Variants in PRIMA1 observed in about 807,000 individuals in gnomAD.
PRIMA1 encodes the protein proline rich membrane anchor 1, also known as proline-rich membrane anchor 1.
In PRIMA1, 7 loss-of-function variants were observed where a neutral mutation model predicts 17.5. The observed-to-expected ratio is 0.40, with a 90% CI of 0.23 to 0.75. PRIMA1 has a LOEUF of 0.75. Among genes scored for constraint, PRIMA1 ranks in the 30% least tolerant of loss-of-function variants. PRIMA1 has a pLI of 0.37. For synonymous variants in PRIMA1, 97 were observed against 77.9 expected (o/e 1.25, Z -1.29); for missense variants, 200 against 201.8 (o/e 0.99, Z 0.05).
intron 3 of PRIMA1, among the ~76,000 whole-genome samples, chr14:93,747,593 T>C (rs933479802): frequency 1.4e-5 from 2 of 145,012 alleles, no homozygotes; most frequent in African/African-American, 5.1e-5. Context: ...CATGGGAGTA[T>C]TGTGTATGAG....
chr14:93,747,909 TG>T (rs1262790658), intron 3 of PRIMA1, among the ~76,000 whole-genome samples: 2 of 43,236 alleles, frequency 4.6e-5, no homozygotes, highest in African/African-American at 8.0e-5. Flanking sequence ...TGTGTAAGAG[TG>T]GGGGACTGTG....
At chr14:93,784,765 C>T (rs1028100132) in intron 2 of PRIMA1, among the ~76,000 whole-genome samples, 6 of 152,150 alleles carry the variant, frequency 3.9e-5, no homozygotes, top group African/African-American at 1.4e-4. Flanking sequence ...ATGACTCTTG[C>T]CCCGGGTCCA....
chr14:93,750,137 G>A (rs1302035789), intron 3 of PRIMA1, among the ~76,000 whole-genome samples: 4 of 152,016 alleles, frequency 2.6e-5, no homozygotes, highest in African/African-American at 4.8e-5. Context: ...GCAGTGTGCC[G>A]AGATCGTGCC....
intron 4 of PRIMA1, among the ~76,000 whole-genome samples, chr14:93,734,876 C>A (rs1473928957): frequency 6.6e-6 from 1 of 152,300 alleles, no homozygotes; most frequent in African/African-American, 2.4e-5. Flanking sequence ...TGGAAGAGGA[C>A]AGACAGGAGG....
Position 93,787,609 on chromosome 14 carries a change from C to G in PRIMA1, c.93+17G>C, listed in dbSNP as rs1290446210. 1 of 1,539,608 alleles carries G rather than the reference C, an allele frequency of 6.5e-7. No individual in the cohort carries two copies. Among genetic ancestry groups the G allele is most frequent in the Non-Finnish European group, 8.7e-7 (1 of 1,146,774 alleles). ...CCAGGAGGCCCTCCCAGCCAGTGCGCAGCCGGCGCGTCTCACCTGCACGAA... is the reference window on the plus strand; with the variant it reads ...CCAGGAGGCCCTCCCAGCCAGTGCGGAGCCGGCGCGTCTCACCTGCACGAA... On this transcript the variant is annotated intron_variant, in intron 2 of 4. Coordinates refer to ENST00000393140, the MANE Select transcript of PRIMA1 (RefSeq NM_178013.4).
chr14:93,786,165 C>T lies in PRIMA1; in HGVS notation c.93+1461G>A, dbSNP rs1885518760. ...AATGAATCTAAAAACGAAGTGAACT[C>T]AATATCTGAGGTTCAGCTAAAAGTT... On this transcript the variant is annotated intron_variant, in intron 2 of 4. Transcript: ENST00000393140. 2.6e-5 allele frequency among the ~76,000 whole-genome samples: 4 copies of T among 152,166 alleles called. No homozygotes were observed. The South Asian group carries it at 6.2e-4, about 24-fold the overall frequency.
intron 4 of PRIMA1, among the ~76,000 whole-genome samples, chr14:93,724,022 T>A (rs1431555601): frequency 6.6e-6 from 1 of 152,202 alleles, no homozygotes; most frequent in Non-Finnish European, 1.5e-5. Context: ...GTAGCTGGGA[T>A]TACAGGTGTA....
chr14:93,748,424 G>C (rs1348476763), intron 3 of PRIMA1, among the ~76,000 whole-genome samples: 1 of 152,196 alleles, frequency 6.6e-6, no homozygotes, highest in Non-Finnish European at 1.5e-5. Flanking sequence ...GCAACGCAGT[G>C]TGTGGAAAGG....
At position 93,737,520 on chromosome 14, in the gene PRIMA1, G is replaced by T. The variant is rs2076157925; in HGVS notation, c.230-150C>A. ...GTGACACCAACAGAGGCGTGGGGAG[G>T]TCACTGGTGGGACCATTATGGGTGA... is the stretch of plus-strand genomic sequence containing the variant. On this transcript the variant is annotated intron_variant, in intron 3 of 4. Transcript: ENST00000393140. 13 of 867,772 alleles carry T rather than the reference G, an allele frequency of 1.5e-5. No homozygotes were observed. The South Asian group carries it at 1.9e-4, about 13-fold the overall frequency. 53.8% of individuals were successfully genotyped at this position (867,772 alleles called of 1,614,324 possible). A position where few individuals can be genotyped will look rare whatever the true frequency, so the allele number is the denominator to read the frequency against.
chr14:93,761,919 C>T (rs573239467), intron 3 of PRIMA1, among the ~76,000 whole-genome samples: 175 of 152,340 alleles, frequency 1.1e-3, no homozygotes, highest in African/African-American at 4.0e-3. Flanking sequence ...TCTTGCCTCC[C>T]AGCATATTCC....
chr14:93,756,482 C>T (rs1273191926), intron 3 of PRIMA1, among the ~76,000 whole-genome samples: 5 of 152,168 alleles, frequency 3.3e-5, no homozygotes, highest in East Asian at 1.9e-4. Context: ...CTTGCCCGGG[C>T]GTCTTACCCG....
In PRIMA1 at chr14:93,721,351, C is replaced by A. The variant is rs1476255102; in HGVS notation, c.*93G>T. The stretch of plus-strand genomic sequence containing the variant: ...GCCTGTGAGGCAATGAAGTCCTGGA[C>A]AAGCTCAGGGTTAGCTCATGTCCAC... On this transcript the variant is annotated 3_prime_UTR_variant, in exon 5 of 5. Coordinates refer to ENST00000393140, the MANE Select transcript of PRIMA1 (RefSeq NM_178013.4). 2 of 771,088 alleles carry A rather than the reference C, an allele frequency of 2.6e-6. No individual in the cohort carries two copies. Among genetic ancestry groups the A allele is most frequent in the Non-Finnish European group, 4.4e-6 (2 of 455,830 alleles). 47.8% of individuals were successfully genotyped at this position (771,088 alleles called of 1,614,324 possible). A position where few individuals can be genotyped will look rare whatever the true frequency, so the allele number is the denominator to read the frequency against.
chr14:93,771,505 G>C (rs1381135331), intron 3 of PRIMA1, among the ~76,000 whole-genome samples: 1 of 152,148 alleles, frequency 6.6e-6, no homozygotes, highest in Non-Finnish European at 1.5e-5. Context: ...ACATGGGAGA[G>C]GAAGCCTTCA....
chr14:93,729,720 G>C (rs1380420873), intron 4 of PRIMA1, among the ~76,000 whole-genome samples: 1 of 152,230 alleles, frequency 6.6e-6, no homozygotes, highest in Non-Finnish European at 1.5e-5. Context: ...TGTGTCCTGC[G>C]GGGAGGAAGA....
intron 3 of PRIMA1, among the ~76,000 whole-genome samples, chr14:93,747,717 AGT>A (rs1418933597): frequency 2.7e-5 from 4 of 148,956 alleles, no homozygotes; most frequent in African/African-American, 5.0e-5. Flanking sequence ...TGAGTGTATG[AGT>A]GTGTATATGA....
intron 3 of PRIMA1, among the ~76,000 whole-genome samples, chr14:93,750,231 C>CA (rs1379480815): frequency 6.6e-6 from 1 of 151,936 alleles, no homozygotes; most frequent in Non-Finnish European, 1.5e-5. Flanking sequence ...AATAGTGCGA[C>CA]AAAAAATTTT....
chr14:93,765,120 C>T (rs1884849148), intron 3 of PRIMA1, among the ~76,000 whole-genome samples: 1 of 152,050 alleles, frequency 6.6e-6, no homozygotes, highest in African/African-American at 2.4e-5. Context: ...ACCACTAGTA[C>T]TTAAATCCTT....
intron 4 of PRIMA1, chr14:93,725,815 C>T: frequency 2.7e-6 from 1 of 375,464 alleles, no homozygotes; most frequent in Admixed American, 3.2e-5. Flanking sequence ...CAAGGTTCTC[C>T]AGTCTGCACA....
At chr14:93,752,875 C>G (rs556900488) in intron 3 of PRIMA1, among the ~76,000 whole-genome samples, 54 of 152,234 alleles carry the variant, frequency 3.5e-4, no homozygotes, top group Non-Finnish European at 7.2e-4. Flanking sequence ...TGACCTTGGG[C>G]TAGGGCAGGG....
Sources: allele counts gnomAD v4.1 joint callset (sites outside exome capture counted in the v4.1 genomes callset), GRCh38; gene constraint gnomAD v4.1.1; transcripts MANE v1.5; gene names NCBI Gene and HGNC (gene_info 2026-07-23, HGNC 2026-07-21).